Variants in RASSF5 observed in about 807,000 individuals in gnomAD.
The protein encoded by RASSF5 is ras association domain-containing protein 5.
RASSF5 carries 25 observed loss-of-function variants against 40.5 expected under a neutral mutation model. The ratio of observed to expected loss-of-function variants is 0.62; its 90% CI spans 0.45 to 0.86. RASSF5 has a LOEUF of 0.86. Ranked by LOEUF, RASSF5 falls within the 40% of genes least tolerant of loss-of-function variation. The pLI, the probability that RASSF5 is intolerant of heterozygous loss-of-function variation, is 0.00. For missense variants in RASSF5, 521 were observed against 572.8 expected (o/e 0.91, Z 0.92); for synonymous variants, 246 against 252.4 (o/e 0.97, Z 0.24).
chr1:206,567,173 G>A (rs558962617), intron 2 of RASSF5, among the ~76,000 whole-genome samples: 6 of 152,318 alleles, frequency 3.9e-5, no homozygotes, highest in African/African-American at 1.4e-4. Context: ...GAGGAAGGGG[G>A]TAGGCAGGGC....
intron 1 of RASSF5, 32 bp from the exon 2 acceptor site, chr1:206,538,140 C>T (rs1553398895): frequency 1.9e-6 from 3 of 1,613,814 alleles, no homozygotes; most frequent in Admixed American, 1.7e-5. Context: ...TCCTGCCTGT[C>T]CTCTAATCTC....
At chr1:206,520,722 C>T (rs1666884223) in intron 1 of RASSF5, among the ~76,000 whole-genome samples, 1 of 152,094 alleles carries the variant, frequency 6.6e-6, no homozygotes, top group Non-Finnish European at 1.5e-5. Context: ...CCTCTCTGAG[C>T]CTCATTTTTC....
At chr1:206,517,297 G>A (rs1359094033) in intron 1 of RASSF5, among the ~76,000 whole-genome samples, 1 of 151,946 alleles carries the variant, frequency 6.6e-6, no homozygotes, top group Non-Finnish European at 1.5e-5. Context: ...AACATGGTGA[G>A]ACCCCCACCT....
At chr1:206,586,605 G>C (rs1669122736) in intron 5 of RASSF5, 2 of 518,268 alleles carry the variant, frequency 3.9e-6, no homozygotes, top group Admixed American at 3.5e-5. Flanking sequence ...TCATAGACTG[G>C]CAACTCTTGG....
chr1:206,566,950 A>G (rs913803177), intron 2 of RASSF5, among the ~76,000 whole-genome samples: 1 of 152,196 alleles, frequency 6.6e-6, no homozygotes, highest in Non-Finnish European at 1.5e-5. Context: ...CCCAGGGGAC[A>G]TGAGCAAGTA....
At chr1:206,544,002 T>G (rs1553399770) in intron 2 of RASSF5, 2 of 152,208 alleles carry the variant, frequency 1.3e-5, no homozygotes, top group African/African-American at 4.8e-5. Flanking sequence ...TCCGCCTGAC[T>G]CGGCCACCCA....
chr1:206,585,491 G>C, intron 5 of RASSF5, 196 bp downstream of exon 5: 3 of 504,922 alleles, frequency 5.9e-6, no homozygotes, highest in Non-Finnish European at 1.1e-5. Flanking sequence ...CCCTGGGGTA[G>C]CACATTAGGG....
chr1:206,578,640 G>A (rs1318182800), intron 2 of RASSF5, among the ~76,000 whole-genome samples: 2 of 152,136 alleles, frequency 1.3e-5, no homozygotes, highest in Non-Finnish European at 2.9e-5. Context: ...TGTGATTTTG[G>A]TCAAGAAAAA....
At position 206,538,345 on chromosome 1, in the gene RASSF5, C is replaced by T. The variant is rs782537389; in HGVS notation, c.579+52C>T. 88 of 1,603,006 alleles carry T rather than the reference C, an allele frequency of 5.5e-5. No individual in the cohort carries two copies. In the South Asian group the frequency reaches 6.3e-4, roughly 11 times the overall value. ...CTGGGAACAGCCTCTGCAGGTGCCC[C>T]GGGCTCCACTTTCTCTCCCAGGAGC... On this transcript the variant is annotated intron_variant, in intron 2 of 5. Transcript: ENST00000579436.
chr1:206,574,727 G>A (rs1668571303), intron 2 of RASSF5, among the ~76,000 whole-genome samples: 1 of 152,148 alleles, frequency 6.6e-6, no homozygotes, highest in Non-Finnish European at 1.5e-5. Flanking sequence ...CTTCACTGCT[G>A]TGGTGGGTCT....
intron 1 of RASSF5, chr1:206,529,081 G>A (rs1667169445): frequency 9.9e-6 from 11 of 1,110,268 alleles, no homozygotes; most frequent in East Asian, 2.4e-5. Flanking sequence ...AAATGGCCCT[G>A]CTATATCAGG....
intron 2 of RASSF5, among the ~76,000 whole-genome samples, chr1:206,558,144 G>A (rs1307040038): frequency 6.6e-6 from 1 of 152,202 alleles, no homozygotes; most frequent in Admixed American, 6.5e-5. Flanking sequence ...ATTTGAAGTG[G>A]CCAGAAACCA....
intron 2 of RASSF5, among the ~76,000 whole-genome samples, chr1:206,567,596 C>T (rs1668323348): frequency 6.6e-6 from 1 of 152,062 alleles, no homozygotes. Context: ...CACTCTAGGC[C>T]TCACTTTCTC....
At chr1:206,549,976 C>T (rs900872295) in intron 2 of RASSF5, among the ~76,000 whole-genome samples, 2 of 152,176 alleles carry the variant, frequency 1.3e-5, no homozygotes, top group African/African-American at 4.8e-5. Context: ...CTGCAGTTCT[C>T]TCTCTCTGCA....
intron 1 of RASSF5, among the ~76,000 whole-genome samples, chr1:206,514,194 G>A (rs1423362658): frequency 3.3e-5 from 5 of 152,250 alleles, no homozygotes; most frequent in Admixed American, 3.3e-4. Flanking sequence ...AGGAAGGGCA[G>A]TGGGGTCCCT....
At chr1:206,554,915 C>A (rs1210804158) in intron 2 of RASSF5, among the ~76,000 whole-genome samples, 3 of 152,198 alleles carry the variant, frequency 2.0e-5, no homozygotes, top group Non-Finnish European at 4.4e-5. Context: ...TCTTCCCAAC[C>A]TAGATTCACT....
intron 1 of RASSF5, 68 bp downstream of exon 1, chr1:206,508,127 C>G: frequency 8.2e-7 from 1 of 1,218,650 alleles, no homozygotes; most frequent in Non-Finnish European, 1.1e-6. Flanking sequence ...CTGGGAGGGC[C>G]CTGGGGCAGG....
At position 206,523,481 on chromosome 1, in the gene RASSF5, T is replaced by C. The variant is rs1189548628; in HGVS notation, c.458-14691T>C. Among the ~76,000 whole-genome samples, 9 of 107,614 alleles carry C rather than the reference T, an allele frequency of 8.4e-5. No homozygotes were observed. In the South Asian group the frequency reaches 1.8e-3, roughly 22 times the overall value. 70.6% of individuals were successfully genotyped at this position (107,614 alleles called of 152,430 possible). On this transcript the variant is annotated intron_variant, in intron 1 of 5. Transcript: ENST00000579436. ...TATTAAATATATTTTATATACAATA[T>C]ATAATATTATATATTATATATTTTA...
At chr1:206,573,795 G>A (rs1233412880) in intron 2 of RASSF5, among the ~76,000 whole-genome samples, 2 of 152,192 alleles carry the variant, frequency 1.3e-5, no homozygotes, top group African/African-American at 4.8e-5. Context: ...ATCACTTGAG[G>A]CCAGGAGTTT....
Sources: gnomAD v4.1 joint callset for allele counts (sites outside exome capture counted in the v4.1 genomes callset) on GRCh38, gnomAD v4.1.1 for gene constraint, MANE v1.5 for transcripts, NCBI Gene and HGNC (gene_info 2026-07-23, HGNC 2026-07-21) for gene names.